MARCHF1: variants seen among roughly 807,000 people sequenced by gnomAD.
MARCHF1 encodes membrane associated ring-CH-type finger 1, also known as E3 ubiquitin-protein ligase MARCHF1.
Under a neutral mutation model 54.2 loss-of-function variants are expected in MARCHF1, and 40 were observed. That is an observed-to-expected ratio of 0.74 (90% CI 0.57 to 0.96). MARCHF1 has a LOEUF of 0.96. MARCHF1 is among the 40% of genes least tolerant of loss of function. The pLI, the probability that MARCHF1 is intolerant of heterozygous loss-of-function variation, is 0.00. For missense variants in MARCHF1, 586 were observed against 656.5 expected (o/e 0.89, Z 1.17); for synonymous variants, 236 against 236.3 (o/e 1.00, Z 0.01).
At chr4:164,263,054 G>A (rs1021469475) in intron 1 of MARCHF1, among the ~76,000 whole-genome samples, 2 of 152,158 alleles carry the variant, frequency 1.3e-5, no homozygotes, top group African/African-American at 4.8e-5. Context: ...ATACGTAAGA[G>A]TGCCTGAGGG....
At position 163,613,038 on chromosome 4, in the gene MARCHF1, T is replaced by G. The variant is rs1560974380; in HGVS notation, c.243A>C (p.Arg81Ser). 1 of 1,486,022 alleles carries G rather than the reference T, an allele frequency of 6.7e-7. No homozygotes were observed. Among genetic ancestry groups the G allele is most frequent in the East Asian group, 2.5e-5 (1 of 40,626 alleles). The allele number at this position is 1,486,022 out of a possible 1,614,324, so 92.1% of individuals were successfully genotyped here. ...SVCPSTQDICRSAILHDMSEE... is the reference protein window; with the variant it reads ...SVCPSTQDICSSAILHDMSEE... Reference sequence around the variant, plus strand: ...CTGACATGTCATGCAAGATGGCAGATCTAGACAGAGCAGCAGGCAAAGGAT... The same window carrying G: ...CTGACATGTCATGCAAGATGGCAGAGCTAGACAGAGCAGCAGGCAAAGGAT... Residue 81 changes from arginine to serine, a missense_variant and splice_region_variant, in exon 7 of 10, where the codon AGA (arginine) becomes AGC (serine). Transcript: ENST00000514618.
At chr4:164,243,582 G>C (rs1484472353) in intron 1 of MARCHF1, among the ~76,000 whole-genome samples, 1 of 151,786 alleles carries the variant, frequency 6.6e-6, no homozygotes, top group Non-Finnish European at 1.5e-5. Context: ...ACATCATCAT[G>C]ACAGGATCAA....
intron 2 of MARCHF1, among the ~76,000 whole-genome samples, chr4:164,100,865 T>C (rs1281582499): frequency 6.6e-6 from 1 of 152,086 alleles, no homozygotes; most frequent in East Asian, 1.9e-4. Flanking sequence ...TTCATCTCAC[T>C]AGGGAGTGCC....
intron 2 of MARCHF1, among the ~76,000 whole-genome samples, chr4:164,015,103 G>C (rs941643725): frequency 3.0e-4 from 45 of 152,098 alleles, no homozygotes; most frequent in African/African-American, 8.4e-4. Flanking sequence ...CATAAAAACA[G>C]ATGCCTCAAA....
chr4:163,581,416 AT>A (rs1740228738), intron 8 of MARCHF1, among the ~76,000 whole-genome samples: 1 of 152,202 alleles, frequency 6.6e-6, no homozygotes, highest in Admixed American at 6.5e-5. Flanking sequence ...TGCATTTTGA[AT>A]TTATTTTTGT....
At chr4:164,332,632 G>T (rs1453442735) in intron 1 of MARCHF1, among the ~76,000 whole-genome samples, 1 of 152,062 alleles carries the variant, frequency 6.6e-6, no homozygotes, top group Non-Finnish European at 1.5e-5. Flanking sequence ...ATTTACTTTA[G>T]GGCTGGCCTT....
At chr4:164,321,323 A>G (rs1735138005) in intron 1 of MARCHF1, among the ~76,000 whole-genome samples, 1 of 152,172 alleles carries the variant, frequency 6.6e-6, no homozygotes, top group African/African-American at 2.4e-5. Flanking sequence ...GGATTTGCAA[A>G]GTAAATGACG....
At chr4:164,197,488 C>A in intron 1 of MARCHF1, 1 of 1,613,596 alleles carries the variant, frequency 6.2e-7, no homozygotes, top group Non-Finnish European at 8.5e-7. Context: ...TACTTCCAGG[C>A]CCCCTGAGAC....
intron 1 of MARCHF1, among the ~76,000 whole-genome samples, chr4:164,301,424 G>C (rs1349645026): frequency 6.6e-6 from 1 of 152,210 alleles, no homozygotes; most frequent in East Asian, 1.9e-4. Context: ...TTGTAAGGCT[G>C]TCTTAAGAAG....
intron 1 of MARCHF1, among the ~76,000 whole-genome samples, chr4:164,159,832 TA>T (rs1274793837): frequency 8.5e-5 from 13 of 152,140 alleles, no homozygotes; most frequent in Non-Finnish European, 1.6e-4. Context: ...AACCGCCACT[TA>T]AAAGCTGCCT....
intron 1 of MARCHF1, among the ~76,000 whole-genome samples, chr4:164,185,809 C>CACACA (rs1265860547): frequency 3.3e-5 from 5 of 149,522 alleles, no homozygotes; most frequent in South Asian, 2.1e-4. Context: ...CACACACACA[C>CACACA]AAAAAAAAAA....
intron 5 of MARCHF1, among the ~76,000 whole-genome samples, chr4:163,691,030 A>T (rs1424243169): frequency 6.6e-6 from 1 of 152,174 alleles, no homozygotes; most frequent in Non-Finnish European, 1.5e-5. Flanking sequence ...GGGCCCAAGT[A>T]TTATAAGTAT....
chr4:163,880,284 T>C (rs921109648), intron 3 of MARCHF1, among the ~76,000 whole-genome samples: 1 of 151,408 alleles, frequency 6.6e-6, no homozygotes, highest in Non-Finnish European at 1.5e-5. Context: ...TTTATGATAT[T>C]TAAATAACTT....
At chr4:163,691,198 T>C (rs1744438594) in intron 5 of MARCHF1, among the ~76,000 whole-genome samples, 1 of 152,218 alleles carries the variant, frequency 6.6e-6, no homozygotes, top group African/African-American at 2.4e-5. Context: ...AGCATCTGGC[T>C]GGTAGGCTAT....
chr4:163,775,185 A>T (rs1747270699), intron 4 of MARCHF1, among the ~76,000 whole-genome samples: 3 of 152,122 alleles, frequency 2.0e-5, no homozygotes, highest in Admixed American at 1.3e-4. Context: ...CAGCTTTTGC[A>T]TTGCTGTTCT....
intron 2 of MARCHF1, among the ~76,000 whole-genome samples, chr4:164,105,374 G>T (rs1237087223): frequency 6.6e-6 from 1 of 150,790 alleles, no homozygotes; most frequent in Non-Finnish European, 1.5e-5. Flanking sequence ...TATACTACAA[G>T]GCTGCAGTAA....
chr4:163,818,292 T>C (rs559080381), intron 4 of MARCHF1, among the ~76,000 whole-genome samples: 27 of 152,166 alleles, frequency 1.8e-4, no homozygotes, highest in Non-Finnish European at 3.8e-4. Flanking sequence ...CGGGTATACC[T>C]ACAGGATGTA....
At chr4:163,863,668 A>C (rs1019301284) in intron 3 of MARCHF1, among the ~76,000 whole-genome samples, 6 of 152,046 alleles carry the variant, frequency 3.9e-5, no homozygotes, top group African/African-American at 1.4e-4. Context: ...GGAAACAATG[A>C]TACCCTAGTG....
intron 2 of MARCHF1, among the ~76,000 whole-genome samples, chr4:164,000,138 C>A (rs1280448700): frequency 6.6e-6 from 1 of 151,560 alleles, no homozygotes; most frequent in Non-Finnish European, 1.5e-5. Context: ...GATCAAGGCA[C>A]TCTATAGTAA....
Sources: gnomAD v4.1 joint callset for allele counts (sites outside exome capture counted in the v4.1 genomes callset) on GRCh38, gnomAD v4.1.1 for gene constraint, MANE v1.5 for transcripts, NCBI Gene and HGNC (gene_info 2026-07-23, HGNC 2026-07-21) for gene names.